The following KCNQ3 variants were observed in gnomAD, a reference collection of about 807,000 sequenced individuals.
KCNQ3 encodes potassium voltage-gated channel subfamily KQT member 3.
KCNQ3 carries 30 observed loss-of-function variants against 92.5 expected under a neutral mutation model. That is an observed-to-expected ratio of 0.32 (90% CI 0.24 to 0.44). The LOEUF (loss-of-function observed/expected upper bound fraction) is 0.44, where lower values mean the gene tolerates loss of function less well. KCNQ3 is among the 20% of genes least tolerant of loss of function. The pLI, the probability that KCNQ3 is intolerant of heterozygous loss-of-function variation, is 1.00. For missense variants in KCNQ3, 913 were observed against 1,140.3 expected (o/e 0.80, Z 2.87); for synonymous variants, 450 against 468.8 (o/e 0.96, Z 0.52).
chr8:132,455,803 G>A (rs979223221), intron 1 of KCNQ3, among the ~76,000 whole-genome samples: 17 of 152,156 alleles, frequency 1.1e-4, no homozygotes, highest in African/African-American at 3.1e-4. Context: ...GTATAGTGGC[G>A]TGATCTCGGA....
chr8:132,319,741 G>A (rs1048329714), intron 1 of KCNQ3, among the ~76,000 whole-genome samples: 1 of 152,200 alleles, frequency 6.6e-6, no homozygotes, highest in Non-Finnish European at 1.5e-5. Flanking sequence ...GATCACTGAC[G>A]CAGCATGATG....
At chr8:132,199,049 T>C (rs1329094396) in intron 1 of KCNQ3, among the ~76,000 whole-genome samples, 2 of 152,110 alleles carry the variant, frequency 1.3e-5, no homozygotes, top group Non-Finnish European at 2.9e-5. Flanking sequence ...CACCATTCAG[T>C]AGTACAACAT....
chr8:132,245,078 A>G (rs1330669741), intron 1 of KCNQ3, among the ~76,000 whole-genome samples: 1 of 152,088 alleles, frequency 6.6e-6, no homozygotes, highest in Non-Finnish European at 1.5e-5. Context: ...GTCTTGTCCA[A>G]TCTCCTGATA....
chr8:132,369,596 C>T (rs2130735721), intron 1 of KCNQ3, among the ~76,000 whole-genome samples: 1 of 152,032 alleles, frequency 6.6e-6, no homozygotes, highest in East Asian at 1.9e-4. Context: ...CACACACACA[C>T]ACACACAATC....
At chr8:132,229,276 AAT>A (rs1159664666) in intron 1 of KCNQ3, among the ~76,000 whole-genome samples, 4 of 144,284 alleles carry the variant, frequency 2.8e-5, no homozygotes, top group Non-Finnish European at 4.7e-5. Context: ...AAAAAAAAAA[AAT>A]TCTGGATATG....
intron 1 of KCNQ3, among the ~76,000 whole-genome samples, chr8:132,312,596 C>G (rs896319530): frequency 6.6e-6 from 1 of 152,076 alleles, no homozygotes; most frequent in Non-Finnish European, 1.5e-5. Context: ...AATTGTAATC[C>G]CCATAATTCC....
At chr8:132,248,615 C>T (rs1395702042) in intron 1 of KCNQ3, among the ~76,000 whole-genome samples, 1 of 152,194 alleles carries the variant, frequency 6.6e-6, no homozygotes, top group South Asian at 2.1e-4. Flanking sequence ...AATAGCAGCA[C>T]TCCAATATCC....
chr8:132,336,440 C>G (rs571194581), intron 1 of KCNQ3, among the ~76,000 whole-genome samples: 2 of 152,216 alleles, frequency 1.3e-5, no homozygotes, highest in Non-Finnish European at 2.9e-5. Context: ...TAGAAAGTAC[C>G]TGCATGATGG....
intron 1 of KCNQ3, among the ~76,000 whole-genome samples, chr8:132,406,114 G>A (rs1454395327): frequency 2.0e-5 from 3 of 152,184 alleles, no homozygotes; most frequent in Non-Finnish European, 4.4e-5. Flanking sequence ...CCATGGTGAG[G>A]ATTAAACCTG....
chr8:132,190,750 G>T (rs1430067225), intron 1 of KCNQ3, among the ~76,000 whole-genome samples: 1 of 152,174 alleles, frequency 6.6e-6, no homozygotes, highest in African/African-American at 2.4e-5. Flanking sequence ...TTAAAAAATT[G>T]TATGTTGTAA....
rs74744998 is a variant in KCNQ3 at position 132,265,743 on chromosome 8, C to T, written c.387-79562G>A. Among the ~76,000 whole-genome samples, 597 of 152,332 alleles carry T rather than the reference C, an allele frequency of 3.9e-3. 6 individuals are homozygous for T. The highest frequency in any genetic ancestry group is 0.014 in the African/African-American group (578 of 41,566). On this transcript the variant is annotated intron_variant, in intron 1 of 14. Transcript: ENST00000388996. Reference sequence around the variant, plus strand: ...CCACTCATATAGAACTAAGCTCATCCAGCTTTAAATGGCCTTATGTGTCAA... The same window carrying T: ...CCACTCATATAGAACTAAGCTCATCTAGCTTTAAATGGCCTTATGTGTCAA...
chr8:132,191,972 C>T (rs1224492066), intron 1 of KCNQ3, among the ~76,000 whole-genome samples: 1 of 152,128 alleles, frequency 6.6e-6, no homozygotes, highest in Non-Finnish European at 1.5e-5. Flanking sequence ...AAGCTACTTG[C>T]GGACCTGCTG....
In KCNQ3 at chr8:132,123,719, T is replaced by C. The variant is rs1413275917; in HGVS notation, c.*5543A>G. 6.6e-6 allele frequency: 1 copy of C among 152,242 alleles called. No individual in the cohort carries two copies. Among genetic ancestry groups the C allele is most frequent in the Non-Finnish European group, 1.5e-5 (1 of 68,048 alleles). The allele number at this position is 152,242 out of a possible 1,614,324, so 9.4% of individuals were successfully genotyped here. On this transcript the variant is annotated 3_prime_UTR_variant, in exon 15 of 15. Transcript: ENST00000388996. ...TTCTTTGCTCTGAGCTTCTGCTTCT[T>C]GATCTAAAAAGACAGGTGGTTGTTC...
chr8:132,268,789 T>C (rs1316383752), intron 1 of KCNQ3, among the ~76,000 whole-genome samples: 1 of 152,190 alleles, frequency 6.6e-6, no homozygotes, highest in East Asian at 1.9e-4. Flanking sequence ...TATGTTTCGT[T>C]TTGTAAGAAA....
At chr8:132,184,503 G>GTGGGT in intron 2 of KCNQ3, 136 bp from the exon 3 acceptor site, 1 of 605,186 alleles carries the variant, frequency 1.7e-6, no homozygotes. Flanking sequence ...GATGGCTGGG[G>GTGGGT]ATGGGGGTGG....
intron 1 of KCNQ3, among the ~76,000 whole-genome samples, chr8:132,310,534 G>C (rs1817565310): frequency 6.6e-6 from 1 of 152,202 alleles, no homozygotes; most frequent in Non-Finnish European, 1.5e-5. Context: ...TGCCTGGGCT[G>C]GTCTTCCACT....
chr8:132,269,253 C>A (rs1346379216), intron 1 of KCNQ3, among the ~76,000 whole-genome samples: 1 of 152,126 alleles, frequency 6.6e-6, no homozygotes, highest in African/African-American at 2.4e-5. Context: ...ATGGGTAATG[C>A]CTTTGGTGTT....
chr8:132,252,984 C>T lies in KCNQ3; in HGVS notation c.387-66803G>A, dbSNP rs141708983. ...CCTAGCTGTTAAGAGGTCAGCCAAT[C>T]CATTTCACCACACTCATCAGTAGAA... On this transcript the variant is annotated intron_variant, in intron 1 of 14. Transcript: ENST00000388996. Among the ~76,000 whole-genome samples the T allele has an allele frequency of 7.4e-4, 112 of 152,294 alleles. No homozygotes were observed. The East Asian group carries it at 0.015, about 21-fold the overall frequency.
chr8:132,219,090 C>T (rs1463601825), intron 1 of KCNQ3, among the ~76,000 whole-genome samples: 2 of 152,300 alleles, frequency 1.3e-5, no homozygotes, highest in African/African-American at 4.8e-5. Context: ...AGTGATTTGG[C>T]TAAGGTCAAT....
Sources: gnomAD v4.1 joint callset for allele counts (sites outside exome capture counted in the v4.1 genomes callset) on GRCh38, gnomAD v4.1.1 for gene constraint, MANE v1.5 for transcripts, NCBI Gene and HGNC (gene_info 2026-07-23, HGNC 2026-07-21) for gene names.